ARFGEF1: variants seen among roughly 807,000 people sequenced by gnomAD.
ARFGEF1 encodes ARF guanine nucleotide exchange factor 1, also known as brefeldin A-inhibited guanine nucleotide-exchange protein 1.
A neutral mutation model predicts 231.0 loss-of-function variants in ARFGEF1; 42 were observed. The ratio of observed to expected loss-of-function variants is 0.18; its 90% CI spans 0.14 to 0.24. The LOEUF (loss-of-function observed/expected upper bound fraction) is 0.24, where lower values mean the gene tolerates loss of function less well. ARFGEF1 is among the 10% of genes least tolerant of loss of function. ARFGEF1 has a pLI of 1.00. For missense variants in ARFGEF1, 1,345 were observed against 2,192.0 expected, an observed-to-expected ratio of 0.61 and a Z score of 7.72; for synonymous variants, 710 against 732.3, an observed-to-expected ratio of 0.97 and a Z score of 0.49.
chr8:67,191,663 A>G (rs547080580), intron 5 of ARFGEF1, among the ~76,000 whole-genome samples: 86 of 152,304 alleles, frequency 5.6e-4, no homozygotes, highest in African/African-American at 1.9e-3. Context: ...TTGTTTATCC[A>G]TTTAACAATA....
At chr8:67,240,316 A>C in intron 19 of ARFGEF1, 26 bp from the exon 20 acceptor site, 1 of 1,567,298 alleles carries the variant, frequency 6.4e-7, no homozygotes, top group East Asian at 2.3e-5. Flanking sequence ...ATTGTATTTT[A>C]ATTAAAGATT....
chr8:67,189,919 C>G (rs1835750391), intron 5 of ARFGEF1, among the ~76,000 whole-genome samples: 1 of 152,052 alleles, frequency 6.6e-6, no homozygotes. Flanking sequence ...AGCTACCGAT[C>G]CACTAGAATG....
intron 4 of ARFGEF1, 52 bp downstream of exon 4, chr8:67,299,157 A>G (rs1267179775): frequency 7.0e-7 from 1 of 1,427,266 alleles, no homozygotes; most frequent in Admixed American, 2.7e-5. Context: ...AAGGCATCTG[A>G]ATTTTGAAGA....
intron 1 of ARFGEF1, among the ~76,000 whole-genome samples, chr8:67,304,056 T>G (rs1203558260): frequency 6.6e-6 from 1 of 152,198 alleles, no homozygotes; most frequent in Non-Finnish European, 1.5e-5. Context: ...TTATTAACCG[T>G]TCTACCATAT....
chr8:67,233,014 C>T lies in ARFGEF1; in HGVS notation c.3290-69G>A, dbSNP rs938500579. 8.9e-6 allele frequency: 11 copies of T among 1,231,320 alleles called. 1 individual carries two copies. The highest frequency in any genetic ancestry group is 1.3e-5 in the Non-Finnish European group (11 of 854,818). 76.3% of individuals were successfully genotyped at this position (1,231,320 alleles called of 1,614,324 possible). A position where few individuals can be genotyped will look rare whatever the true frequency, so the allele number is the denominator to read the frequency against. On this transcript the variant is annotated intron_variant, in intron 22 of 38. Transcript: ENST00000262215. ...AGTAGAAGAATACACTTAACAAGTT[C>T]TAAAACATACTTCTGAAATCAACTG...
chr8:67,304,596 G>A (rs1364366954), intron 1 of ARFGEF1, among the ~76,000 whole-genome samples: 1 of 152,204 alleles, frequency 6.6e-6, no homozygotes, highest in African/African-American at 2.4e-5. Flanking sequence ...GGAAGCCGAG[G>A]CACATCGATC....
At chr8:67,237,108 A>T (rs868648747) in intron 22 of ARFGEF1, among the ~76,000 whole-genome samples, 1 of 152,186 alleles carries the variant, frequency 6.6e-6, no homozygotes, top group Non-Finnish European at 1.5e-5. Context: ...AAAGTTACTG[A>T]GCCAATCAGT....
chr8:67,220,134 G>A (rs1042621220), intron 29 of ARFGEF1, among the ~76,000 whole-genome samples: 18 of 152,192 alleles, frequency 1.2e-4, no homozygotes, highest in African/African-American at 4.1e-4. Context: ...TTGCCTGGGA[G>A]GCAAGCAATA....
At chr8:67,204,511 C>T (rs1838444291) in intron 35 of ARFGEF1, among the ~76,000 whole-genome samples, 169 bp downstream of exon 35, 1 of 152,202 alleles carries the variant, frequency 6.6e-6, no homozygotes, top group Non-Finnish European at 1.5e-5. Flanking sequence ...CTCCTCCCTG[C>T]TCTAGCTAAC....
chr8:67,202,747 G>A (rs1445087312), intron 36 of ARFGEF1, among the ~76,000 whole-genome samples: 1 of 152,142 alleles, frequency 6.6e-6, no homozygotes, highest in East Asian at 1.9e-4. Context: ...GGTTTTGTGT[G>A]TGCGACTTTT....
chr8:67,212,614 A>T (rs1245398268), intron 33 of ARFGEF1, among the ~76,000 whole-genome samples: 2 of 152,176 alleles, frequency 1.3e-5, no homozygotes, highest in Admixed American at 1.3e-4. Context: ...ACATGAGAGA[A>T]CCTGGTTTCA....
At chr8:67,178,640 A>G (rs1832261783) in intron 5 of ARFGEF1, among the ~76,000 whole-genome samples, 1 of 152,194 alleles carries the variant, frequency 6.6e-6, no homozygotes, top group African/African-American at 2.4e-5. Context: ...GGTAGGCAAC[A>G]TTTGAGTAAG....
At chr8:67,212,069 G>C (rs1229379951) in intron 33 of ARFGEF1, among the ~76,000 whole-genome samples, 3 of 152,048 alleles carry the variant, frequency 2.0e-5, no homozygotes. Context: ...CAAGAATTAG[G>C]CTCCAGTATT....
chr8:67,224,843 A>G, intron 29 of ARFGEF1, 60 bp downstream of exon 29: 1 of 1,224,796 alleles, frequency 8.2e-7, no homozygotes, highest in South Asian at 2.0e-5. Context: ...TATAAAGAAG[A>G]GTTAATTTGA....
At chr8:67,311,300 C>A (rs1428331542) in intron 1 of ARFGEF1, among the ~76,000 whole-genome samples, 1 of 129,244 alleles carries the variant, frequency 7.7e-6, no homozygotes, top group African/African-American at 2.9e-5. Flanking sequence ...GGGGGTCAGC[C>A]CCCCCGCCCG....
chr8:67,323,240 A>C (rs1387192475), intron 1 of ARFGEF1, among the ~76,000 whole-genome samples: 1 of 151,842 alleles, frequency 6.6e-6, no homozygotes, highest in Non-Finnish European at 1.5e-5. Flanking sequence ...TGACACAGCA[A>C]GACTCCATCT....
At chr8:67,252,403 C>G (rs16933204) in intron 18 of ARFGEF1, among the ~76,000 whole-genome samples, 1 of 151,382 alleles carries the variant, frequency 6.6e-6, no homozygotes, top group Admixed American at 6.6e-5. Flanking sequence ...GTAATTTTGG[C>G]GTTTTCGGCA....
intron 19 of ARFGEF1, among the ~76,000 whole-genome samples, chr8:67,242,625 CCTT>C (rs1315767404): frequency 5.3e-5 from 8 of 152,348 alleles, no homozygotes; most frequent in Admixed American, 1.3e-4. Context: ...GGGAGGGACT[CCTT>C]CTTCTTGCAG....
chr8:67,200,984 C>T (rs1431122236), intron 37 of ARFGEF1, among the ~76,000 whole-genome samples: 1 of 152,232 alleles, frequency 6.6e-6, no homozygotes, highest in Non-Finnish European at 1.5e-5. Context: ...CTCAGAACAT[C>T]TATTCCGTAA....
Sources: gnomAD v4.1 joint callset for allele counts (sites outside exome capture counted in the v4.1 genomes callset) on GRCh38, gnomAD v4.1.1 for gene constraint, MANE v1.5 for transcripts, NCBI Gene and HGNC (gene_info 2026-07-23, HGNC 2026-07-21) for gene names.